Variants in MYO3B observed in about 807,000 individuals in gnomAD.
The protein encoded by MYO3B is myosin-IIIb.
A neutral mutation model predicts 174.6 loss-of-function variants in MYO3B; 156 were observed. That is an observed-to-expected ratio of 0.89 (90% confidence interval 0.78 to 1.02). The LOEUF (loss-of-function observed/expected upper bound fraction) is 1.02. Among genes scored for constraint, MYO3B ranks in the 50% least tolerant of loss-of-function variants. The probability of loss-of-function intolerance (pLI) is 0.00; values close to 1 mark genes in which losing one functional copy is unlikely to be tolerated. For synonymous variants in MYO3B, 563 were observed against 569.1 expected (o/e 0.99, Z 0.15); for missense variants, 1,632 against 1,639.4 (o/e 1.00, Z 0.08).
At chr2:170,615,228 C>T (rs1214880888) in intron 32 of MYO3B, among the ~76,000 whole-genome samples, 1 of 152,206 alleles carries the variant, frequency 6.6e-6, no homozygotes. Context: ...CATGTTTACT[C>T]AGTACCTACC....
intron 32 of MYO3B, among the ~76,000 whole-genome samples, chr2:170,635,674 A>G (rs1185928414): frequency 2.0e-5 from 3 of 152,204 alleles, no homozygotes; most frequent in African/African-American, 7.2e-5. Flanking sequence ...AATATCTCTT[A>G]AAGATCACAT....
chr2:170,516,616 C>G (rs1688328137), intron 29 of MYO3B, among the ~76,000 whole-genome samples: 1 of 148,892 alleles, frequency 6.7e-6, no homozygotes, highest in African/African-American at 2.5e-5. Flanking sequence ...GAACTACAGC[C>G]TGGGCAACAG....
chr2:170,270,085 T>A (rs1389895173), intron 7 of MYO3B, among the ~76,000 whole-genome samples: 1 of 152,206 alleles, frequency 6.6e-6, no homozygotes, highest in Non-Finnish European at 1.5e-5. Context: ...CATATTTGAA[T>A]GGTCATAAAC....
intron 32 of MYO3B, among the ~76,000 whole-genome samples, chr2:170,621,152 G>A (rs1575266059): frequency 6.6e-6 from 1 of 152,038 alleles, no homozygotes; most frequent in East Asian, 1.9e-4. Context: ...GCCTCCCAAA[G>A]TGCTGGGATT....
intron 25 of MYO3B, among the ~76,000 whole-genome samples, chr2:170,486,164 C>A (rs1006047823): frequency 1.3e-5 from 2 of 152,058 alleles, no homozygotes; most frequent in African/African-American, 4.8e-5. Context: ...TTTTAAAGCC[C>A]CTAATAGATT....
chr2:170,558,072 CG>C (rs1487660189), intron 32 of MYO3B, among the ~76,000 whole-genome samples: 1 of 152,132 alleles, frequency 6.6e-6, no homozygotes, highest in African/African-American at 2.4e-5. Flanking sequence ...GAGACCAAGG[CG>C]GGCGGATCAC....
intron 32 of MYO3B, among the ~76,000 whole-genome samples, chr2:170,547,702 A>G (rs1176330440): frequency 6.6e-6 from 1 of 152,228 alleles, no homozygotes; most frequent in Non-Finnish European, 1.5e-5. Flanking sequence ...AAAATGAATT[A>G]CTAACAAAAT....
At chr2:170,625,453 C>CTTT (rs1375037273) in intron 32 of MYO3B, among the ~76,000 whole-genome samples, 1 of 152,006 alleles carries the variant, frequency 6.6e-6, no homozygotes, top group African/African-American at 2.4e-5. Context: ...CTCTTTTCTT[C>CTTT]ATTAGTCTTG....
chr2:170,254,052 T>C (rs762852389), intron 7 of MYO3B, among the ~76,000 whole-genome samples: 10 of 151,714 alleles, frequency 6.6e-5, no homozygotes, highest in Non-Finnish European at 1.2e-4. Context: ...GACACCAAGA[T>C]TGAAGAGGGA....
At chr2:170,398,146 CT>C (rs2094451729) in intron 16 of MYO3B, among the ~76,000 whole-genome samples, 1 of 147,910 alleles carries the variant, frequency 6.8e-6, no homozygotes, top group Admixed American at 6.9e-5. Flanking sequence ...TCACTTGAAC[CT>C]GGGTGGCGGA....
chr2:170,482,221 T>A (rs1685740523), intron 25 of MYO3B, among the ~76,000 whole-genome samples: 1 of 151,668 alleles, frequency 6.6e-6, no homozygotes, highest in East Asian at 1.9e-4. Flanking sequence ...AGCGGAGCAA[T>A]CTCTGCTCAC....
intron 30 of MYO3B, among the ~76,000 whole-genome samples, chr2:170,527,306 A>G (rs1689065953): frequency 6.6e-6 from 1 of 152,240 alleles, no homozygotes; most frequent in South Asian, 2.1e-4. Flanking sequence ...AGGTCTTCAA[A>G]AGTACACAAA....
At chr2:170,392,265 G>A in intron 15 of MYO3B, 116 bp from the exon 16 acceptor site, 1 of 610,376 alleles carries the variant, frequency 1.6e-6, no homozygotes, top group South Asian at 2.6e-5. Context: ...TGCACTTCAG[G>A]CTGGGCAACA....
intron 23 of MYO3B, among the ~76,000 whole-genome samples, chr2:170,455,230 T>TTTGTTTTGGGAAA: frequency 6.6e-6 from 1 of 152,252 alleles, no homozygotes; most frequent in South Asian, 2.1e-4. Flanking sequence ...GGGAAAGGGC[T>TTTGTTTTGGGAAA]GTTATTGTCT....
intron 7 of MYO3B, among the ~76,000 whole-genome samples, chr2:170,324,193 T>C (rs1354205642): frequency 6.6e-6 from 1 of 152,170 alleles, no homozygotes; most frequent in Non-Finnish European, 1.5e-5. Flanking sequence ...CGGAAACCCA[T>C]AAAGAGATTA....
At chr2:170,428,410 T>C (rs1477130813) in intron 22 of MYO3B, among the ~76,000 whole-genome samples, 1 of 152,222 alleles carries the variant, frequency 6.6e-6, no homozygotes, top group Non-Finnish European at 1.5e-5. Context: ...CAGGGGTCTT[T>C]TAGGAGATAT....
chr2:170,539,497 T>C (rs1277480429), intron 30 of MYO3B, among the ~76,000 whole-genome samples: 3 of 152,246 alleles, frequency 2.0e-5, no homozygotes, highest in African/African-American at 7.2e-5. Flanking sequence ...ATTGCCTCTC[T>C]TGTGAAATGA....
At chr2:170,515,098 A>T (rs1040375341) in intron 29 of MYO3B, 76 bp downstream of exon 29, 3 of 1,219,000 alleles carry the variant, frequency 2.5e-6, no homozygotes, top group Non-Finnish European at 3.5e-6. Context: ...GCTGGAAGTG[A>T]TCACCTCTTA....
chr2:170,435,010 C>T (rs1022714185), intron 22 of MYO3B, among the ~76,000 whole-genome samples: 2 of 152,220 alleles, frequency 1.3e-5, no homozygotes, highest in African/African-American at 2.4e-5. Context: ...CTGAATTTAA[C>T]TCCTTGCATT....
Sources: gnomAD v4.1 joint callset for allele counts (sites outside exome capture counted in the v4.1 genomes callset) on GRCh38, gnomAD v4.1.1 for gene constraint, MANE v1.5 for transcripts, NCBI Gene and HGNC (gene_info 2026-07-23, HGNC 2026-07-21) for gene names.